Variants in SLX4 observed in about 807,000 individuals in gnomAD.
The protein encoded by SLX4 is structure-specific endonuclease subunit SLX4.
In SLX4, 112 loss-of-function variants were observed where a neutral mutation model predicts 146.2. That is an observed-to-expected ratio of 0.77 (90% CI 0.66 to 0.90). SLX4 has a LOEUF of 0.90. SLX4 is among the 40% of genes least tolerant of loss of function. The pLI is 0.00. For missense variants in SLX4, 2,563 were observed against 2,392.7 expected (o/e 1.07, Z -1.49); for synonymous variants, 1,061 against 997.7 (o/e 1.06, Z -1.20).
intron 3 of SLX4, among the ~76,000 whole-genome samples, chr16:3,605,837 C>T (rs1192986213): frequency 1.3e-5 from 2 of 149,964 alleles, no homozygotes; most frequent in Non-Finnish European, 2.9e-5. Flanking sequence ...GTCCCAGCTA[C>T]TCGGGAGGCT....
rs774442734 is a variant in SLX4 at position 3,582,466 on chromosome 16, G to A, written c.5381C>T (p.Ser1794Leu). ...ELRQNGLRVSSRRLLDFLDTH... is the reference protein window; with the variant it reads ...ELRQNGLRVSLRRLLDFLDTH... ...GTCCAGGAAGTCCAACAGCCTGCGC[G>A]AGGACACACGGAGGCCGTTCTGCCT... is the stretch of plus-strand genomic sequence containing the variant. Residue 1794 changes from serine (S) to leucine (L), a missense_variant, in exon 15 of 15, where the codon TCG (serine) becomes TTG (leucine). Transcript: ENST00000294008. 8.7e-6 allele frequency: 14 copies of A among 1,613,914 alleles called. No individual in the cohort carries two copies. Among genetic ancestry groups the A allele is most frequent in the Admixed American group, 1.7e-5 (1 of 60,012 alleles).
chr16:3,582,192 G>T lies in SLX4; in HGVS notation c.*150C>A. The T allele has an allele frequency of 1.5e-6, 1 of 659,098 alleles. No homozygotes were observed. The highest frequency in any genetic ancestry group is 1.9e-5 in the South Asian group (1 of 53,954). The allele number at this position is 659,098 out of a possible 1,614,324, so 40.8% of individuals were successfully genotyped here. ...AGGAGGAAGCCCTGGATTGGGCTGT[G>T]GTCATCATCACAGCGCAGAGCTGAT... On this transcript the variant is annotated 3_prime_UTR_variant, in exon 15 of 15. Transcript: ENST00000294008.
At chr16:3,606,361 C>T in intron 3 of SLX4, 113 bp downstream of exon 3, 3 of 1,154,200 alleles carry the variant, frequency 2.6e-6, no homozygotes, top group South Asian at 1.2e-5. Context: ...AAACATCAAG[C>T]AGAGAGCCTA....
intron 5 of SLX4, among the ~76,000 whole-genome samples, chr16:3,598,203 G>T (rs1324838111): frequency 6.6e-6 from 1 of 152,204 alleles, no homozygotes; most frequent in South Asian, 2.1e-4. Flanking sequence ...GGCACAGGAG[G>T]GTCTGGGTTC....
rs2040432384 is a variant in SLX4, at chr16:3,581,272, A to G, written c.*1070T>C. On this transcript the variant is annotated 3_prime_UTR_variant, in exon 15 of 15. Coordinates refer to ENST00000294008, the MANE Select transcript of SLX4 (RefSeq NM_032444.4). ...CGAGGACATTCACAAGGATGGAGAAACCAAGGTTTCCTTCTTTCCTGGCCC... is the reference window on the plus strand; with the variant it reads ...CGAGGACATTCACAAGGATGGAGAAGCCAAGGTTTCCTTCTTTCCTGGCCC... 6.6e-6 allele frequency: 1 copy of G among 152,666 alleles called. No individual in the cohort carries two copies. The highest frequency in any genetic ancestry group is 1.5e-5 in the Non-Finnish European group (1 of 68,066). The allele number at this position is 152,666 out of a possible 1,614,324, so 9.5% of individuals were successfully genotyped here. A position where few individuals can be genotyped will look rare whatever the true frequency, so the allele number is the denominator to read the frequency against.
intron 4 of SLX4, 173 bp downstream of exon 4, chr16:3,601,945 T>G (rs1002254762): frequency 1.4e-6 from 1 of 711,836 alleles, no homozygotes; most frequent in Non-Finnish European, 2.4e-6. Context: ...ATGGGTGAAC[T>G]ATATGTTCTG....
At chr16:3,606,923 G>A (rs1248181558) in intron 2 of SLX4, among the ~76,000 whole-genome samples, 1 of 152,180 alleles carries the variant, frequency 6.6e-6, no homozygotes, top group African/African-American at 2.4e-5. Flanking sequence ...GACTGCTAAT[G>A]AGCATGGGGT....
intron 3 of SLX4, among the ~76,000 whole-genome samples, chr16:3,602,989 G>A (rs1343514326): frequency 3.3e-5 from 5 of 152,162 alleles, no homozygotes; most frequent in Non-Finnish European, 7.3e-5. Context: ...TCATGGCTGT[G>A]GCCTACCAGT....
Position 3,608,658 on chromosome 16 carries a change from G to A in SLX4, c.307C>T (p.Leu103Phe). 1 of 1,614,192 alleles carries A rather than the reference G, an allele frequency of 6.2e-7. No individual in the cohort carries two copies. Among genetic ancestry groups the A allele is most frequent in the Non-Finnish European group, 8.5e-7 (1 of 1,180,048 alleles). The change falls in exon 2 of 15, where the codon CTT becomes TTT. Residue 103 changes from leucine to phenylalanine, a missense_variant. Coordinates refer to ENST00000294008, the MANE Select transcript of SLX4 (RefSeq NM_032444.4). ...GGTTTCTTCTCTGCAGGGCCTTGAA[G>A]GGTTTTGGTCTTGGTAGCAGTTTGT... ...TKQTATKTKT[L>F]QGPAEKKPPS...
chr16:3,597,924 C>T lies in SLX4; in HGVS notation c.1239G>A (p.Val413=), dbSNP rs374755757. 5.0e-6 allele frequency: 8 copies of T among 1,614,068 alleles called. No individual in the cohort carries two copies. The African/African-American group carries it at 9.3e-5, about 19-fold the overall frequency. The part of the protein sequence containing the change: ...SKKEPRKRRK[V]DEAPSEDLLV... The stretch of plus-strand genomic sequence containing the variant: ...GCAGGTCCTCGGACGGTGCCTCGTC[C>T]ACCTTCCGCCTCTTCCGTGGCTCCT... Residue 413 remains valine (V), a synonymous_variant, in exon 6 of 15, where the codon GTG becomes GTA. Coordinates refer to ENST00000294008, the MANE Select transcript of SLX4 (RefSeq NM_032444.4). The surrounding 1 kb of genome is among the most constrained non-coding windows in gnomAD (Gnocchi z 4.4).
chr16:3,593,080 T>G (rs1002585498), intron 10 of SLX4, among the ~76,000 whole-genome samples: 21 of 152,144 alleles, frequency 1.4e-4, no homozygotes, highest in African/African-American at 4.8e-4. Context: ...TAATTAATTT[T>G]ATTATTTTGA....
Position 3,590,723 on chromosome 16 carries a change from CCTT to C in SLX4, c.2912_2914del (p.Glu971del). The C allele has an allele frequency of 6.2e-7, 1 of 1,614,136 alleles. No individual in the cohort carries two copies. The highest frequency in any genetic ancestry group is 8.5e-7 in the Non-Finnish European group (1 of 1,180,040). On this transcript the variant is annotated inframe_deletion, in exon 12 of 15. Transcript: ENST00000294008. The surrounding 1 kb of genome is among the most constrained non-coding windows in gnomAD (Gnocchi z 4.8). ...GGCATCATCTGAGTGCGGAAGAGAG[CCTT>C]CTTTTCTCTCTGCCTGGCAGTCCCT...
At position 3,583,184 on chromosome 16, in the gene SLX4, C is replaced by G. The variant is rs2151116548; in HGVS notation, c.5066G>C (p.Gly1689Ala). ...TGGGATCTGGGCGTCATCATTGAGG[C>G]CTGGAGGTGCCTCCTTGGTGGGCGA... ...SRSPTKEAPP[G>A]LNDDAQIPAS... Residue 1689 changes from glycine (G) to alanine (A), a missense_variant, in exon 14 of 15, where the codon GGC becomes GCC. Physicochemically the swap from Gly to Ala is moderately conservative, Grantham distance 60. Transcript: ENST00000294008. The G allele has an allele frequency of 6.2e-7, 1 of 1,614,210 alleles. No individual in the cohort carries two copies. The highest frequency in any genetic ancestry group is 8.5e-7 in the Non-Finnish European group (1 of 1,180,034).
chr16:3,582,726 C>T, intron 14 of SLX4, 33 bp from the exon 15 acceptor site: 2 of 1,570,148 alleles, frequency 1.3e-6, no homozygotes, highest in African/African-American at 2.7e-5. Context: ...GTTGTGCAAC[C>T]CCTTTCTCTC....
At chr16:3,595,554 G>A (rs2040641769) in intron 9 of SLX4, 51 bp downstream of exon 9, 1 of 1,601,962 alleles carries the variant, frequency 6.2e-7, no homozygotes, top group African/African-American at 1.3e-5. Context: ...CCACACACAT[G>A]GCAAGTGGGA....
rs565391485 is a variant in SLX4 at position 3,592,845 on chromosome 16, G to A, written c.2181C>T (p.Ser727=). The part of the protein sequence containing the change: ...LIQYVNNEGF[S]AVEDGVLTQR... ...GGGTCAGAACCCCGTCCTCTACAGCGGAGAAGCCTTCATTGTTCACCTGCA... is the reference window on the plus strand; with the variant it reads ...GGGTCAGAACCCCGTCCTCTACAGCAGAGAAGCCTTCATTGTTCACCTGCA... The change falls in exon 11 of 15, where the codon TCC becomes TCT. Residue 727 remains serine (S), a synonymous_variant. Coordinates refer to ENST00000294008, the MANE Select transcript of SLX4 (RefSeq NM_032444.4). The A allele has an allele frequency of 2.9e-5, 46 of 1,611,346 alleles. No homozygotes were observed. In the East Asian group the frequency reaches 6.2e-4, roughly 22 times the overall value.
chr16:3,597,673 T>C lies in SLX4; in HGVS notation c.1389A>G (p.Lys463=), dbSNP rs376668879. The C allele has an allele frequency of 3.4e-5, 55 of 1,612,714 alleles. No homozygotes were observed. The African/African-American group carries it at 3.9e-4, about 11-fold the overall frequency. ...ACAACAATGGGGGGGATACCGGGGG[T>C]TTCTTCTTGCGACTTTTATTCTCTA... ...PEAENKSRKK[K]PPVSPPLLLV... Residue 463 remains lysine, a synonymous_variant, in exon 7 of 15, where the codon AAA becomes AAG. Coordinates refer to ENST00000294008, the MANE Select transcript of SLX4 (RefSeq NM_032444.4). This position sits in a 1 kb window ranked among gnomAD's most constrained non-coding sequence, Gnocchi z 4.4.
In SLX4 at chr16:3,582,393, G is replaced by C; in HGVS notation, c.5454C>G (p.Leu1818=). The C allele has an allele frequency of 6.2e-7, 1 of 1,613,872 alleles. No individual in the cohort carries two copies. The highest frequency in any genetic ancestry group is 1.1e-5 in the South Asian group (1 of 91,078). The stretch of plus-strand genomic sequence containing the variant: ...CCCGAGGCTGCCGCCTCCTGCCCTG[G>C]AGCTTCTCCCTGCGGGTGGCGGCAG... ...FTTAATRREK[L]QGRRRQPRGK... Residue 1818 remains leucine, a synonymous_variant, in exon 15 of 15, where the codon CTC becomes CTG. Coordinates refer to ENST00000294008, the MANE Select transcript of SLX4 (RefSeq NM_032444.4).
chr16:3,584,677 CG>C (rs1346254750), intron 13 of SLX4, 91 bp downstream of exon 13: 3 of 1,000,594 alleles, frequency 3.0e-6, no homozygotes, highest in Non-Finnish European at 4.8e-6. Context: ...AGAGACCACA[CG>C]GGGGGCCCTT....
Sources: gnomAD v4.1 joint callset for allele counts (sites outside exome capture counted in the v4.1 genomes callset) on GRCh38, gnomAD v4.1.1 for gene constraint, Gnocchi (gnomAD v3.1) non-coding constraint, MANE v1.5 for transcripts, NCBI Gene and HGNC (gene_info 2026-07-23, HGNC 2026-07-21) for gene names.